The following UROC1 variants were observed in gnomAD, a reference collection of about 807,000 sequenced individuals.
The protein encoded by UROC1 is urocanate hydratase 1.
A neutral mutation model predicts 89.5 loss-of-function variants in UROC1; 79 were observed. The observed-to-expected ratio is 0.88, with a 90% CI of 0.74 to 1.06. UROC1 has a LOEUF of 1.06. Among genes scored for constraint, UROC1 ranks in the 50% least tolerant of loss-of-function variants. The pLI, the probability that UROC1 is intolerant of heterozygous loss-of-function variation, is 0.00. For synonymous variants in UROC1, 361 were observed against 354.8 expected (o/e 1.02, Z -0.20); for missense variants, 885 against 907.8 (o/e 0.97, Z 0.32).
chr3:126,482,328 C>G lies in UROC1; in HGVS notation c.*17G>C. On this transcript the variant is annotated 3_prime_UTR_variant, in exon 20 of 20. Transcript: ENST00000290868. ...GCCAGGGAGGAAGGGAGGCAGGGGC[C>G]GCGACTCCTGGCTCCCTCAGAGCTG... The G allele has an allele frequency of 6.2e-7, 1 of 1,610,530 alleles. No homozygotes were observed. Among genetic ancestry groups the G allele is most frequent in the Non-Finnish European group, 8.5e-7 (1 of 1,178,516 alleles).
chr3:126,497,442 A>G (rs369261457), intron 14 of UROC1, among the ~76,000 whole-genome samples: 6 of 152,224 alleles, frequency 3.9e-5, no homozygotes, highest in Middle Eastern at 3.2e-3. Flanking sequence ...CAGAACCAAC[A>G]CTCAGCATCA....
intron 17 of UROC1, 37 bp downstream of exon 17, chr3:126,489,239 C>G (rs1576711759): frequency 6.5e-7 from 1 of 1,549,118 alleles, no homozygotes; most frequent in Non-Finnish European, 8.9e-7. Flanking sequence ...AAATCCAAAT[C>G]TAAGATGAAA....
In UROC1 at chr3:126,493,278, G is replaced by A. The variant is rs75087992; in HGVS notation, c.1510-762C>T. On this transcript the variant is annotated intron_variant, in intron 15 of 19. Coordinates refer to ENST00000290868, the MANE Select transcript of UROC1 (RefSeq NM_144639.3). ...TGCTAAATACTCTACAACGGCCCCC[G>A]TGATGAAGAAGCCCCCAATGACTCC... 6.4e-3 allele frequency among the ~76,000 whole-genome samples: 970 copies of A among 152,270 alleles called. 12 individuals are homozygous for A. The highest frequency in any genetic ancestry group is 0.023 in the African/African-American group (942 of 41,542).
At position 126,502,277 on chromosome 3, in the gene UROC1, ATG is replaced by A. The variant is rs368024809; in HGVS notation, c.903-999_903-998del. Among the ~76,000 whole-genome samples, 129 of 133,010 alleles carry A rather than the reference ATG, an allele frequency of 9.7e-4. 1 individual carries two copies. The East Asian group carries it at 0.02, about 20-fold the overall frequency. The allele number at this position is 133,010 out of a possible 152,430, so 87.3% of individuals were successfully genotyped here. A position where few individuals can be genotyped will look rare whatever the true frequency, so the allele number is the denominator to read the frequency against. ...TATGTGTGTGTGCGCCTGTGTGTTT[ATG>A]TGTTTGTGTGTGCTGTGTGTCTCTG... On this transcript the variant is annotated intron_variant, in intron 9 of 19. Transcript: ENST00000290868.
intron 2 of UROC1, among the ~76,000 whole-genome samples, chr3:126,510,042 C>A (rs539306306): frequency 6.6e-6 from 1 of 152,308 alleles, no homozygotes; most frequent in Non-Finnish European, 1.5e-5. Flanking sequence ...GGTGCCAGGC[C>A]CGGAGGTACT....
intron 9 of UROC1, chr3:126,501,657 C>T (rs905491888): frequency 3.5e-5 from 39 of 1,109,512 alleles, no homozygotes; most frequent in Middle Eastern, 2.6e-4. Context: ...CAAAATTATT[C>T]GGAAAAATAG....
intron 2 of UROC1, 133 bp downstream of exon 2, chr3:126,510,531 C>A: frequency 7.0e-7 from 1 of 1,436,370 alleles, no homozygotes; most frequent in East Asian, 2.5e-5. Flanking sequence ...CTTCCCTCCC[C>A]TGCCTCCTGG....
At position 126,505,852 on chromosome 3, in the gene UROC1, G is replaced by A; in HGVS notation, c.670-8C>T. 1 of 1,613,538 alleles carries A rather than the reference G, an allele frequency of 6.2e-7. No individual in the cohort carries two copies. ...AGCATTCAACACGGTGAGCTGCAGGGAGAAGAGGTGGGGGCTCACTGCCCA... is the reference window on the plus strand; with the variant it reads ...AGCATTCAACACGGTGAGCTGCAGGAAGAAGAGGTGGGGGCTCACTGCCCA... On this transcript the variant is annotated splice_region_variant and splice_polypyrimidine_tract_variant and intron_variant, in intron 7 of 19. Coordinates refer to ENST00000290868, the MANE Select transcript of UROC1 (RefSeq NM_144639.3).
At chr3:126,483,311 G>A (rs1317225652) in intron 19 of UROC1, 58 bp downstream of exon 19, 1 of 1,506,498 alleles carries the variant, frequency 6.6e-7, no homozygotes, top group African/African-American at 1.4e-5. Flanking sequence ...AACGTGGATG[G>A]GGATCACCCA....
At chr3:126,491,302 C>T (rs570207902) in intron 16 of UROC1, among the ~76,000 whole-genome samples, 39 of 152,256 alleles carry the variant, frequency 2.6e-4, no homozygotes, top group Non-Finnish European at 4.1e-4. Context: ...TCACCCTTCA[C>T]CACACTACAC....
At chr3:126,485,232 C>A (rs1017465760) in intron 18 of UROC1, among the ~76,000 whole-genome samples, 1 of 152,224 alleles carries the variant, frequency 6.6e-6, no homozygotes, top group Admixed American at 6.5e-5. Context: ...ACTCTACAAG[C>A]GTTCGCTATC....
chr3:126,483,082 C>T (rs926635467), intron 19 of UROC1, among the ~76,000 whole-genome samples: 2 of 152,174 alleles, frequency 1.3e-5, no homozygotes, highest in Admixed American at 6.5e-5. Context: ...TCCTCATGCT[C>T]ACGCTCCGGG....
chr3:126,508,160 C>T (rs762079998), intron 4 of UROC1, 65 bp from the exon 5 acceptor site: 1 of 1,611,684 alleles, frequency 6.2e-7, no homozygotes, highest in Non-Finnish European at 8.5e-7. Context: ...CAGCCCCACA[C>T]CACCGTCCAC....
At chr3:126,482,557 C>G (rs755972503) in intron 19 of UROC1, 72 bp from the exon 20 acceptor site, 9 of 1,609,888 alleles carry the variant, frequency 5.6e-6, no homozygotes, top group Non-Finnish European at 5.9e-6. Context: ...GGCTCCCACA[C>G]TTGGGGCCTC....
chr3:126,486,171 C>T (rs369882252), intron 18 of UROC1, among the ~76,000 whole-genome samples: 1 of 152,250 alleles, frequency 6.6e-6, no homozygotes, highest in Non-Finnish European at 1.5e-5. Flanking sequence ...GCCTGCTCAC[C>T]TGAGGTGGGC....
At chr3:126,503,352 G>T (rs1272893336) in intron 9 of UROC1, among the ~76,000 whole-genome samples, 1 of 152,226 alleles carries the variant, frequency 6.6e-6, no homozygotes, top group African/African-American at 2.4e-5. Flanking sequence ...CCCGTAACAG[G>T]ACTCTGCTCT....
At chr3:126,491,428 G>T (rs1279579509) in intron 16 of UROC1, among the ~76,000 whole-genome samples, 1 of 152,234 alleles carries the variant, frequency 6.6e-6, no homozygotes, top group Non-Finnish European at 1.5e-5. Flanking sequence ...CTTTCTGCTG[G>T]CCAGCTGACC....
chr3:126,482,715 T>C (rs1421932897), intron 19 of UROC1, among the ~76,000 whole-genome samples: 1 of 152,036 alleles, frequency 6.6e-6, no homozygotes, highest in Admixed American at 6.5e-5. Context: ...CTCCCCCAGC[T>C]CCAAGAATGG....
At chr3:126,482,662 C>G (rs1008171570) in intron 19 of UROC1, among the ~76,000 whole-genome samples, 177 bp from the exon 20 acceptor site, 1 of 152,136 alleles carries the variant, frequency 6.6e-6, no homozygotes, top group African/African-American at 2.4e-5. Flanking sequence ...GTCTCTGGCC[C>G]TCCTCTGGGA....
Sources: gnomAD v4.1 joint callset for allele counts (sites outside exome capture counted in the v4.1 genomes callset) on GRCh38, gnomAD v4.1.1 for gene constraint, MANE v1.5 for transcripts, NCBI Gene and HGNC (gene_info 2026-07-23, HGNC 2026-07-21) for gene names.